The following GPHN variants were observed in gnomAD, a reference collection of about 807,000 sequenced individuals.
GPHN encodes the protein gephyrin.
In GPHN, 17 loss-of-function variants were observed where a neutral mutation model predicts 95.5. The observed-to-expected ratio is 0.18, with a 90% CI of 0.12 to 0.27. The LOEUF (loss-of-function observed/expected upper bound fraction) is 0.27. GPHN is among the 10% of genes least tolerant of loss of function. GPHN has a pLI of 1.00. For missense variants in GPHN, 660 were observed against 978.1 expected, an observed-to-expected ratio of 0.67 and a Z score of 4.34; for synonymous variants, 320 against 322.5, an observed-to-expected ratio of 0.99 and a Z score of 0.08.
the GPHN span, among the ~76,000 whole-genome samples, chr14:67,288,849 GT>G: frequency 6.6e-6 from 1 of 151,818 alleles, no homozygotes; most frequent in East Asian, 1.9e-4. Flanking sequence ...TCTAATGACG[GT>G]TTTGACTTTT....
At chr14:67,095,738 A>G (rs2077342793) in intron 12 of GPHN, among the ~76,000 whole-genome samples, 3 of 151,906 alleles carry the variant, frequency 2.0e-5, no homozygotes, top group East Asian at 1.9e-4. Flanking sequence ...GTGAGAACCC[A>G]TGGACACAGG....
chr14:66,601,422 T>C (rs905046103), intron 1 of GPHN, among the ~76,000 whole-genome samples: 1 of 151,966 alleles, frequency 6.6e-6, no homozygotes, highest in Non-Finnish European at 1.5e-5. Flanking sequence ...AAGGTACTCA[T>C]TTTTTACATC....
intron 3 of GPHN, among the ~76,000 whole-genome samples, 164 bp downstream of exon 3, chr14:66,776,685 A>G (rs1297506456): frequency 6.6e-6 from 1 of 152,118 alleles, no homozygotes; most frequent in Admixed American, 6.5e-5. Flanking sequence ...GATAATCACC[A>G]TCAGATTTAT....
chr14:66,898,466 T>TAAAAAAAA lies in GPHN; in HGVS notation c.390-17519_390-17512dup, dbSNP rs59434196. Among the ~76,000 whole-genome samples the TAAAAAAAA allele has an allele frequency of 7.0e-3, 645 of 91,702 alleles. 51 individuals carry two copies. In the East Asian group the frequency reaches 0.085, roughly 12 times the overall value. The allele number at this position is 91,702 out of a possible 152,430, so 60.2% of individuals were successfully genotyped here. On this transcript the variant is annotated intron_variant, in intron 5 of 22. Coordinates refer to ENST00000478722, the MANE Select transcript of GPHN (RefSeq NM_020806.5). ...ACCACTTGCTCCAGTGCTACTTGTT[T>TAAAAAAAA]AAAAAAAAAAAAAAAAAAAAAAAAA...
the GPHN span, among the ~76,000 whole-genome samples, chr14:67,253,895 C>T: frequency 3.4e-3 from 502 of 147,554 alleles, 1 homozygote; most frequent in African/African-American, 0.012. Context: ...TATGGTGATT[C>T]AAAATCTTAG....
chr14:66,712,381 G>A (rs367586075), intron 2 of GPHN, among the ~76,000 whole-genome samples: 1 of 152,168 alleles, frequency 6.6e-6, no homozygotes, highest in Non-Finnish European at 1.5e-5. Flanking sequence ...TTGCATAAAT[G>A]TCTTCTTCTG....
intron 8 of GPHN, among the ~76,000 whole-genome samples, chr14:66,937,362 G>A (rs572151263): frequency 6.6e-6 from 1 of 151,466 alleles, no homozygotes; most frequent in East Asian, 2.0e-4. Context: ...GGTTTGGGCT[G>A]ATTCGTTACA....
chr14:66,736,499 A>G (rs2072292191), intron 2 of GPHN, among the ~76,000 whole-genome samples: 1 of 150,814 alleles, frequency 6.6e-6, no homozygotes, highest in Non-Finnish European at 1.5e-5. Context: ...CCTGGGTTCA[A>G]GTGATTCTCC....
intron 8 of GPHN, among the ~76,000 whole-genome samples, chr14:66,927,613 G>A (rs2066550853): frequency 1.3e-5 from 2 of 152,036 alleles, no homozygotes; most frequent in South Asian, 2.1e-4. Flanking sequence ...TCTTTGTCAT[G>A]TTCCAGATCT....
chr14:67,429,577 A>C, the GPHN span, among the ~76,000 whole-genome samples: 2 of 151,770 alleles, frequency 1.3e-5, no homozygotes, highest in East Asian at 2.0e-4. Context: ...CTCTACTAAA[A>C]ATACAAAAAT....
the GPHN span, chr14:67,646,845 C>A: frequency 1.0e-5 from 14 of 1,380,638 alleles, no homozygotes; most frequent in South Asian, 1.3e-4. Flanking sequence ...ACAACAAACC[C>A]ACCCTCTCCC....
At chr14:67,129,816 A>G (rs527981384) in intron 17 of GPHN, among the ~76,000 whole-genome samples, 64 of 134,886 alleles carry the variant, frequency 4.7e-4, no homozygotes, top group Admixed American at 8.1e-4. Context: ...GGGAGGGAGG[A>G]AGGAAGGAAG....
chr14:66,670,987 G>A (rs1234971625), intron 1 of GPHN, among the ~76,000 whole-genome samples: 2 of 152,138 alleles, frequency 1.3e-5, no homozygotes, highest in Non-Finnish European at 2.9e-5. Context: ...TTACTAATAT[G>A]AAGAATGAAA....
At chr14:66,586,640 C>G (rs2061432063) in intron 1 of GPHN, among the ~76,000 whole-genome samples, 2 of 152,146 alleles carry the variant, frequency 1.3e-5, no homozygotes, top group South Asian at 4.1e-4. Context: ...TTCTCCTTCA[C>G]TTATGAAGCT....
intron 11 of GPHN, among the ~76,000 whole-genome samples, chr14:67,073,053 C>A (rs2076368592): frequency 6.6e-6 from 1 of 151,544 alleles, no homozygotes; most frequent in Non-Finnish European, 1.5e-5. Flanking sequence ...TAAAATATTT[C>A]CTGCATATAA....
At chr14:67,143,199 G>C in intron 17 of GPHN, 163 bp from the exon 18 acceptor site, 1 of 642,776 alleles carries the variant, frequency 1.6e-6, no homozygotes, top group South Asian at 1.6e-5. Flanking sequence ...AAGACTTAAT[G>C]CTCCTGTTAG....
At chr14:66,654,828 A>G (rs2065226227) in intron 1 of GPHN, among the ~76,000 whole-genome samples, 1 of 152,142 alleles carries the variant, frequency 6.6e-6, no homozygotes, top group African/African-American at 2.4e-5. Context: ...TTTTTTATGT[A>G]AGGCATGAGA....
At chr14:66,835,357 A>T (rs935781303) in intron 4 of GPHN, among the ~76,000 whole-genome samples, 1 of 151,706 alleles carries the variant, frequency 6.6e-6, no homozygotes, top group African/African-American at 2.4e-5. Flanking sequence ...GAGGGTGTCA[A>T]TTTTGGATCT....
intron 3 of GPHN, among the ~76,000 whole-genome samples, chr14:66,821,666 A>T (rs947161572): frequency 3.3e-5 from 5 of 152,194 alleles, no homozygotes; most frequent in African/African-American, 9.7e-5. Flanking sequence ...GTGGGTGAGG[A>T]AGAATTCTTT....
Sources: gnomAD v4.1 joint callset for allele counts (sites outside exome capture counted in the v4.1 genomes callset) on GRCh38, gnomAD v4.1.1 for gene constraint, MANE v1.5 for transcripts, NCBI Gene and HGNC (gene_info 2026-07-23, HGNC 2026-07-21) for gene names.